TANC1: variants seen among roughly 807,000 people sequenced by gnomAD.
The protein encoded by TANC1 is tetratricopeptide repeat, ankyrin repeat and coiled-coil containing 1.
A neutral mutation model predicts 149.7 loss-of-function variants in TANC1; 77 were observed. The ratio of observed to expected loss-of-function variants is 0.51; its 90% CI spans 0.43 to 0.62. TANC1 has a LOEUF of 0.62. Ranked by LOEUF, TANC1 falls within the 20% of genes least tolerant of loss-of-function variation. The pLI is 0.00. For synonymous variants in TANC1, 854 were observed against 925.0 expected (o/e 0.92, Z 1.39); for missense variants, 1,985 against 2,321.8 (o/e 0.85, Z 2.98).
chr2:159,189,839 G>A (rs2057306490), intron 16 of TANC1, among the ~76,000 whole-genome samples: 1 of 152,200 alleles, frequency 6.6e-6, no homozygotes, highest in Admixed American at 6.5e-5. Flanking sequence ...TGGGGCCAGG[G>A]TATTGGAAAC....
chr2:159,121,350 T>G (rs891133374), intron 4 of TANC1, among the ~76,000 whole-genome samples: 8 of 152,204 alleles, frequency 5.3e-5, no homozygotes, highest in African/African-American at 1.9e-4. Context: ...TGTTGTTGTT[T>G]GAGACGGACT....
intron 3 of TANC1, among the ~76,000 whole-genome samples, chr2:159,073,053 T>G (rs2149736300): frequency 6.6e-6 from 1 of 152,360 alleles, no homozygotes; most frequent in East Asian, 1.9e-4. Flanking sequence ...TGGTTTTCTC[T>G]TTATGAAGTT....
chr2:159,196,766 C>G lies in TANC1; in HGVS notation c.3138C>G (p.Thr1046=), dbSNP rs372804215. Residue 1046 remains threonine (T), a synonymous_variant, in exon 18 of 27, where the codon ACC becomes ACG. Transcript: ENST00000263635. ...GCCACGCCCTGCAGCAGGCGCTGAC[C>G]GCGGCGGCCAGCATGGGCCACAGCT... is the stretch of plus-strand genomic sequence containing the variant. ...RKSHALQQAL[T]AAASMGHSSV... 6.8e-6 allele frequency: 11 copies of G among 1,612,664 alleles called. No homozygotes were observed. The highest frequency in any genetic ancestry group is 2.2e-5 in the East Asian group (1 of 44,856).
At chr2:159,073,862 G>T (rs947367729) in intron 3 of TANC1, among the ~76,000 whole-genome samples, 5 of 152,178 alleles carry the variant, frequency 3.3e-5, no homozygotes, top group African/African-American at 1.2e-4. Flanking sequence ...TGTAGTTCCT[G>T]AGTGGGGAGA....
At chr2:159,078,445 T>C (rs897395598) in intron 3 of TANC1, among the ~76,000 whole-genome samples, 1 of 152,242 alleles carries the variant, frequency 6.6e-6, no homozygotes, top group Non-Finnish European at 1.5e-5. Flanking sequence ...TAAGTCATCC[T>C]TTATTTTTTA....
At chr2:159,161,928 T>C (rs1559370412) in intron 7 of TANC1, among the ~76,000 whole-genome samples, 1 of 152,234 alleles carries the variant, frequency 6.6e-6, no homozygotes. Context: ...TACTATGTGC[T>C]GTGCTGTGCT....
At chr2:159,223,463 G>A (rs4664274) in intron 22 of TANC1, among the ~76,000 whole-genome samples, 77,446 of 152,074 alleles carry the variant, frequency 0.51, 20,411 homozygotes, top group Non-Finnish European at 0.56. Context: ...GTAGTTCTTT[G>A]TGTAGATAAT....
intron 4 of TANC1, among the ~76,000 whole-genome samples, chr2:159,131,304 G>A (rs977273332): frequency 6.6e-6 from 1 of 152,196 alleles, no homozygotes; most frequent in Non-Finnish European, 1.5e-5. Context: ...TTAGAATTGA[G>A]CCTTTCCAGA....
At chr2:159,151,515 A>G (rs532141850) in intron 7 of TANC1, among the ~76,000 whole-genome samples, 2 of 152,358 alleles carry the variant, frequency 1.3e-5, no homozygotes, top group South Asian at 4.1e-4. Flanking sequence ...TTTATGCTTT[A>G]TTGTGGACTG....
intron 23 of TANC1, chr2:159,224,780 AAGT>A (rs1310830881): frequency 5.7e-6 from 1 of 175,590 alleles, no homozygotes; most frequent in Non-Finnish European, 1.2e-5. Flanking sequence ...TTCTGTGAAG[AAGT>A]AGTAGTATGA....
intron 1 of TANC1, among the ~76,000 whole-genome samples, chr2:158,986,196 A>G (rs936705252): frequency 1.3e-5 from 2 of 152,216 alleles, no homozygotes; most frequent in African/African-American, 4.8e-5. Flanking sequence ...CGGAATGAGA[A>G]CATGAAGAAG....
intron 2 of TANC1, among the ~76,000 whole-genome samples, chr2:159,029,076 C>T (rs1364791686): frequency 6.6e-6 from 1 of 152,144 alleles, no homozygotes; most frequent in African/African-American, 2.4e-5. Flanking sequence ...ACTTTATATA[C>T]CTCATAAGAG....
chr2:158,996,548 G>A (rs1476618405), intron 1 of TANC1, among the ~76,000 whole-genome samples: 1 of 152,152 alleles, frequency 6.6e-6, no homozygotes, highest in Non-Finnish European at 1.5e-5. Context: ...CCAGCCTGTA[G>A]GTGTAACATA....
intron 2 of TANC1, chr2:159,056,492 C>T (rs264661): frequency 0.7 from 106,674 of 152,990 alleles, 37,399 homozygotes; most frequent in Non-Finnish European, 0.74. Flanking sequence ...TTTGTATTTT[C>T]AGTAGAGACG....
At chr2:159,137,773 C>T (rs565613089) in intron 5 of TANC1, among the ~76,000 whole-genome samples, 2 of 152,276 alleles carry the variant, frequency 1.3e-5, no homozygotes, top group African/African-American at 4.8e-5. Flanking sequence ...TCCCTTCTTC[C>T]CCACCCACCA....
At chr2:159,112,577 G>C (rs190315366) in intron 4 of TANC1, among the ~76,000 whole-genome samples, 1,429 of 87,814 alleles carry the variant, frequency 0.016, 5 homozygotes, top group Middle Eastern at 0.054. Context: ...TTTTTTTCTC[G>C]TTTTCCTAAG....
At chr2:159,023,960 T>TCG (rs997325143) in intron 2 of TANC1, among the ~76,000 whole-genome samples, 2 of 143,326 alleles carry the variant, frequency 1.4e-5, no homozygotes, top group Non-Finnish European at 3.0e-5. Flanking sequence ...AGAGTAAGAC[T>TCG]CCATCTCAAA....
chr2:159,105,143 C>T (rs986534772), intron 4 of TANC1, among the ~76,000 whole-genome samples: 4 of 149,310 alleles, frequency 2.7e-5, no homozygotes, highest in African/African-American at 9.8e-5. Context: ...TACAGGCGCC[C>T]ACCACCACGC....
In TANC1 at chr2:159,172,355, C is replaced by T. The variant is rs1394383913; in HGVS notation, c.1503+83C>T. 86 of 1,327,402 alleles carry T rather than the reference C, an allele frequency of 6.5e-5. No homozygotes were observed. In the East Asian group the frequency reaches 2.0e-3, roughly 32 times the overall value. The allele number at this position is 1,327,402 out of a possible 1,614,324, so 82.2% of individuals were successfully genotyped here. On this transcript the variant is annotated intron_variant, in intron 11 of 26. Transcript: ENST00000263635. ...CTGAGAAGTAGATTGGAAAAGGGAG[C>T]TTAAAACAGAGACAACTGCTTAATG...
Sources: gnomAD v4.1 joint callset for allele counts (sites outside exome capture counted in the v4.1 genomes callset) on GRCh38, gnomAD v4.1.1 for gene constraint, MANE v1.5 for transcripts, NCBI Gene and HGNC (gene_info 2026-07-23, HGNC 2026-07-21) for gene names.